RORA: variants seen among roughly 807,000 people sequenced by gnomAD.
RORA encodes the protein nuclear receptor ROR-alpha.
RORA carries 7 observed loss-of-function variants against 69.5 expected under a neutral mutation model. That is an observed-to-expected ratio of 0.10 (90% CI 0.06 to 0.19). RORA has a LOEUF of 0.19. Among genes scored for constraint, RORA ranks in the 10% least tolerant of loss-of-function variants. The pLI, the probability that RORA is intolerant of heterozygous loss-of-function variation, is 1.00. For missense variants in RORA, 457 were observed against 663.0 expected (o/e 0.69, Z 3.41); for synonymous variants, 261 against 240.8 (o/e 1.08, Z -0.78).
intron 1 of RORA, among the ~76,000 whole-genome samples, chr15:60,962,964 A>T (rs941212324): frequency 6.6e-6 from 1 of 152,210 alleles, no homozygotes. Context: ...AGGGTTTTAA[A>T]AGGTAGGAAG....
intron 1 of RORA, among the ~76,000 whole-genome samples, chr15:61,220,347 C>T (rs781483684): frequency 2.6e-5 from 4 of 152,348 alleles, no homozygotes; most frequent in Non-Finnish European, 5.9e-5. Flanking sequence ...TGTATTGTCA[C>T]ATGGCCTTTT....
chr15:60,790,373 G>T (rs1159084772), intron 1 of RORA, among the ~76,000 whole-genome samples: 1 of 152,214 alleles, frequency 6.6e-6, no homozygotes, highest in African/African-American at 2.4e-5. Context: ...AAATGTTGAT[G>T]TTGAAGGGAA....
intron 1 of RORA, among the ~76,000 whole-genome samples, chr15:61,161,567 C>T (rs972571808): frequency 6.6e-6 from 1 of 152,128 alleles, no homozygotes; most frequent in African/African-American, 2.4e-5. Context: ...GTTTTCTCCT[C>T]TTCCCATCTT....
chr15:61,024,224 T>G (rs1203390317), intron 1 of RORA, among the ~76,000 whole-genome samples: 1 of 148,588 alleles, frequency 6.7e-6, no homozygotes, highest in Non-Finnish European at 1.5e-5. Flanking sequence ...AAAAAAATTA[T>G]ACAAGTAGCA....
Position 60,764,416 on chromosome 15 carries a change from C to T in RORA, c.167-85730G>A, listed in dbSNP as rs547918045. On this transcript the variant is annotated intron_variant, in intron 1 of 10. Coordinates refer to ENST00000335670, the MANE Select transcript of RORA (RefSeq NM_134261.3). ...ATGGTCTTTTAGGGTTCTCTCAGCT[C>T]GAAAATTTTAATATTCTGTAAATGG... Among the ~76,000 whole-genome samples the T allele has an allele frequency of 9.0e-4, 136 of 151,708 alleles. 2 individuals are homozygous for T. Among genetic ancestry groups the T allele is most frequent in the African/African-American group, 3.2e-3 (133 of 41,392 alleles).
chr15:60,912,708 C>T lies in RORA; in HGVS notation c.167-234022G>A, dbSNP rs548674022. Among the ~76,000 whole-genome samples, 4 of 152,066 alleles carry T rather than the reference C, an allele frequency of 2.6e-5. No individual in the cohort carries two copies. The South Asian group carries it at 8.3e-4, about 32-fold the overall frequency. On this transcript the variant is annotated intron_variant, in intron 1 of 10. Transcript: ENST00000335670. Reference sequence around the variant, plus strand: ...GGCGGAGCTTGCAGTGAGCCAAGATCGTGCCACTGCACTCCAGCCTGGGTG... The same window carrying T: ...GGCGGAGCTTGCAGTGAGCCAAGATTGTGCCACTGCACTCCAGCCTGGGTG...
intron 1 of RORA, among the ~76,000 whole-genome samples, chr15:60,986,979 C>T (rs1417265181): frequency 6.6e-6 from 1 of 152,166 alleles, no homozygotes; most frequent in Non-Finnish European, 1.5e-5. Flanking sequence ...TTTTCTTTGC[C>T]TGTCCTCCAC....
At chr15:60,778,968 A>G (rs1055823330) in intron 1 of RORA, among the ~76,000 whole-genome samples, 8 of 152,208 alleles carry the variant, frequency 5.3e-5, no homozygotes, top group African/African-American at 1.9e-4. Flanking sequence ...AGGCTTAATA[A>G]TAACTTCCCA....
At chr15:60,558,000 T>C (rs2067416972) in intron 2 of RORA, 1 of 354,340 alleles carries the variant, frequency 2.8e-6, no homozygotes, top group African/African-American at 2.1e-5. Flanking sequence ...TTTTAAAATT[T>C]ATTAGAAATT....
At chr15:60,960,055 G>A (rs567898963) in intron 1 of RORA, among the ~76,000 whole-genome samples, 1 of 151,556 alleles carries the variant, frequency 6.6e-6, no homozygotes. Flanking sequence ...GATTTTTTTT[G>A]TGTGTGTGTG....
At chr15:60,798,114 A>G (rs1336786457) in intron 1 of RORA, among the ~76,000 whole-genome samples, 3 of 151,124 alleles carry the variant, frequency 2.0e-5, no homozygotes, top group Non-Finnish European at 2.9e-5. Context: ...TAGTCACTAA[A>G]TTAATTATTA....
rs2079666866 is a variant in RORA, at chr15:61,179,983, A to G, written c.166+49070T>C. 3.5e-5 allele frequency among the ~76,000 whole-genome samples: 5 copies of G among 144,166 alleles called. No individual in the cohort carries two copies. The South Asian group carries it at 1.2e-3, about 35-fold the overall frequency. The allele number at this position is 144,166 out of a possible 152,430, so 94.6% of individuals were successfully genotyped here. On this transcript the variant is annotated intron_variant, in intron 1 of 10. Transcript: ENST00000335670. Reference sequence around the variant, plus strand: ...GAAACCCGTTTCTACTAAAAAAAAAAACAAAAAAAAAATAGCTGGGTGTGG... The same window carrying G: ...GAAACCCGTTTCTACTAAAAAAAAAGACAAAAAAAAAATAGCTGGGTGTGG...
At chr15:60,738,881 G>C (rs1340895558) in intron 1 of RORA, among the ~76,000 whole-genome samples, 1 of 152,200 alleles carries the variant, frequency 6.6e-6, no homozygotes, top group Non-Finnish European at 1.5e-5. Context: ...GCTTCTCAAA[G>C]TCCTCTGTCT....
intron 1 of RORA, among the ~76,000 whole-genome samples, chr15:60,761,181 G>A (rs1288503930): frequency 2.0e-5 from 3 of 152,112 alleles, no homozygotes; most frequent in African/African-American, 7.2e-5. Flanking sequence ...GAAGCAGCAG[G>A]ATGGAGGACG....
At chr15:60,772,963 G>A (rs780999781) in intron 1 of RORA, among the ~76,000 whole-genome samples, 2 of 152,214 alleles carry the variant, frequency 1.3e-5, no homozygotes, top group African/African-American at 2.4e-5. Flanking sequence ...TCCCGCCAGG[G>A]AGTTTTCCAG....
At chr15:60,599,274 G>C (rs1162952512) in intron 2 of RORA, among the ~76,000 whole-genome samples, 1 of 152,194 alleles carries the variant, frequency 6.6e-6, no homozygotes, top group Non-Finnish European at 1.5e-5. Context: ...GTACAGGCTG[G>C]GTGCTGTGGC....
intron 1 of RORA, among the ~76,000 whole-genome samples, chr15:61,208,264 C>T (rs1328077094): frequency 6.6e-6 from 1 of 152,158 alleles, no homozygotes; most frequent in Non-Finnish European, 1.5e-5. Flanking sequence ...CATAGACAAA[C>T]CCCCAAAACA....
intron 1 of RORA, among the ~76,000 whole-genome samples, chr15:61,139,011 G>A (rs543739527): frequency 1.3e-5 from 2 of 152,060 alleles, no homozygotes; most frequent in East Asian, 3.9e-4. Flanking sequence ...AGGCGTGGTG[G>A]CGGGCGCCTG....
At chr15:60,623,809 A>C (rs570273274) in intron 2 of RORA, among the ~76,000 whole-genome samples, 12 of 152,340 alleles carry the variant, frequency 7.9e-5, no homozygotes, top group Admixed American at 6.5e-4. Context: ...TTTAAAATCA[A>C]AACTATTGGT....
Sources: allele counts gnomAD v4.1 joint callset (sites outside exome capture counted in the v4.1 genomes callset), GRCh38; gene constraint gnomAD v4.1.1; transcripts MANE v1.5; gene names NCBI Gene and HGNC (gene_info 2026-07-23, HGNC 2026-07-21).